ANKS1B: variants seen among roughly 807,000 people sequenced by gnomAD.
The protein encoded by ANKS1B is ankyrin repeat and sterile alpha motif domain containing 1B.
In ANKS1B, 36 loss-of-function variants were observed where a neutral mutation model predicts 148.3. That is an observed-to-expected ratio of 0.24 (90% confidence interval 0.19 to 0.32). ANKS1B has a LOEUF of 0.32. Among genes scored for constraint, ANKS1B ranks in the 10% least tolerant of loss-of-function variants. The probability of loss-of-function intolerance (pLI) is 1.00; values close to 1 mark genes in which losing one functional copy is unlikely to be tolerated. For missense variants in ANKS1B, 1,157 were observed against 1,542.6 expected (o/e 0.75, Z 4.19); for synonymous variants, 542 against 560.8 (o/e 0.97, Z 0.47).
intron 10 of ANKS1B, among the ~76,000 whole-genome samples, chr12:99,452,481 T>C (rs1595048121): frequency 1.3e-5 from 2 of 152,354 alleles, no homozygotes; most frequent in Middle Eastern, 6.8e-3. Flanking sequence ...CAGTCCTTTG[T>C]ACACAGCAAC....
At chr12:99,846,326 A>G (rs964909288) in intron 1 of ANKS1B, among the ~76,000 whole-genome samples, 6 of 150,940 alleles carry the variant, frequency 4.0e-5, no homozygotes, top group African/African-American at 1.2e-4. Flanking sequence ...TCATTTCTTT[A>G]TTCCTTTCTA....
At chr12:98,965,042 T>C (rs1359590481) in intron 17 of ANKS1B, among the ~76,000 whole-genome samples, 2 of 152,150 alleles carry the variant, frequency 1.3e-5, no homozygotes, top group African/African-American at 4.8e-5. Context: ...GCCTGTATCA[T>C]GCCTGTATCA....
chr12:98,812,403 G>A (rs530643744), intron 19 of ANKS1B, among the ~76,000 whole-genome samples: 1 of 152,296 alleles, frequency 6.6e-6, no homozygotes, highest in African/African-American at 2.4e-5. Context: ...ACCATCTCAC[G>A]TTGGGTAAAT....
chr12:99,789,643 G>C (rs1485385900), intron 4 of ANKS1B, among the ~76,000 whole-genome samples: 1 of 151,346 alleles, frequency 6.6e-6, no homozygotes, highest in African/African-American at 2.4e-5. Flanking sequence ...AAAAGTTCTA[G>C]AGTTGAAAAT....
At chr12:99,923,266 C>G (rs2094406711) in intron 1 of ANKS1B, among the ~76,000 whole-genome samples, 1 of 152,076 alleles carries the variant, frequency 6.6e-6, no homozygotes, top group Non-Finnish European at 1.5e-5. Flanking sequence ...GTTTCAGGTG[C>G]TAATGTATAA....
chr12:99,501,511 T>C (rs996994), intron 10 of ANKS1B, among the ~76,000 whole-genome samples: 80,167 of 151,890 alleles, frequency 0.53, 22,511 homozygotes, highest in African/African-American at 0.73. Flanking sequence ...GTAGTAATAA[T>C]TCTTCAGGAA....
chr12:99,455,880 G>GC (rs2095840224), intron 10 of ANKS1B, among the ~76,000 whole-genome samples: 2 of 152,036 alleles, frequency 1.3e-5, no homozygotes, highest in Non-Finnish European at 2.9e-5. Flanking sequence ...GAACTCTATG[G>GC]CCCCACCCAC....
chr12:99,400,489 T>A (rs1361069759), intron 11 of ANKS1B, among the ~76,000 whole-genome samples: 1 of 145,282 alleles, frequency 6.9e-6, no homozygotes, highest in East Asian at 1.9e-4. Flanking sequence ...GCAGATATAA[T>A]CTATACCCTT....
intron 4 of ANKS1B, among the ~76,000 whole-genome samples, chr12:99,795,788 T>C (rs998906333): frequency 2.6e-5 from 4 of 152,050 alleles, no homozygotes; most frequent in African/African-American, 9.7e-5. Flanking sequence ...AATTCATTTC[T>C]GTTCATGTCT....
chr12:98,893,285 T>C (rs1471680318), intron 17 of ANKS1B, among the ~76,000 whole-genome samples: 1 of 152,154 alleles, frequency 6.6e-6, no homozygotes, highest in Non-Finnish European at 1.5e-5. Flanking sequence ...ATGCCAGCAC[T>C]ACTCATTATA....
intron 8 of ANKS1B, among the ~76,000 whole-genome samples, chr12:99,666,025 T>C (rs568548873): frequency 4.5e-4 from 69 of 152,250 alleles, no homozygotes; most frequent in Middle Eastern, 6.8e-3. Flanking sequence ...AGAAACCTAT[T>C]TTTTTAATAT....
rs756333726 is a variant in ANKS1B, at chr12:98,967,343, T to C, written c.2778+85814A>G. On this transcript the variant is annotated intron_variant, in intron 17 of 26. Transcript: ENST00000683438. ...GAAGACTCTATATGGCTCTTATCAT[T>C]GAGCAGCTCTTTGCAATGAAGATGG... 5.3e-5 allele frequency among the ~76,000 whole-genome samples: 8 copies of C among 152,114 alleles called. No individual in the cohort carries two copies. In the South Asian group the frequency reaches 8.3e-4, roughly 16 times the overall value.
chr12:99,070,419 T>C (rs562783431), intron 16 of ANKS1B, among the ~76,000 whole-genome samples: 27 of 152,298 alleles, frequency 1.8e-4, no homozygotes, highest in African/African-American at 6.0e-4. Context: ...AAGCTCACTA[T>C]AGGTATTTGT....
chr12:99,028,889 A>G (rs2099950372), intron 17 of ANKS1B, among the ~76,000 whole-genome samples: 1 of 152,232 alleles, frequency 6.6e-6, no homozygotes, highest in Non-Finnish European at 1.5e-5. Flanking sequence ...AATAATTAGA[A>G]CAGGTACAGC....
chr12:99,364,849 G>A (rs1166031473), intron 12 of ANKS1B, among the ~76,000 whole-genome samples: 4 of 152,156 alleles, frequency 2.6e-5, no homozygotes, highest in African/African-American at 9.7e-5. Flanking sequence ...TCCACAAACT[G>A]CCACCAATGA....
Position 99,276,918 on chromosome 12 carries a change from C to T in ANKS1B, c.1757-30054G>A, listed in dbSNP as rs1255677324. Reference sequence around the variant, plus strand: ...TTTACTTCTCTGGATGTTACATGATCTCTGTATAGTTCCTTAATATTTTAT... The same window carrying T: ...TTTACTTCTCTGGATGTTACATGATTTCTGTATAGTTCCTTAATATTTTAT... On this transcript the variant is annotated intron_variant, in intron 12 of 26. Transcript: ENST00000683438. Among the ~76,000 whole-genome samples the T allele has an allele frequency of 2.6e-5, 4 of 152,266 alleles. No individual in the cohort carries two copies. In the East Asian group the frequency reaches 7.7e-4, roughly 29 times the overall value.
At chr12:99,260,020 T>C (rs11109784) in intron 12 of ANKS1B, among the ~76,000 whole-genome samples, 2,181 of 152,276 alleles carry the variant, frequency 0.014, 52 homozygotes, top group African/African-American at 0.05. Flanking sequence ...AATACCACAG[T>C]CACTGTAACC....
intron 1 of ANKS1B, among the ~76,000 whole-genome samples, chr12:99,837,807 T>C (rs576687864): frequency 2.0e-4 from 31 of 152,178 alleles, no homozygotes; most frequent in African/African-American, 6.7e-4. Flanking sequence ...ATATAAGGGG[T>C]CCAAGTGCAG....
chr12:99,774,858 G>A (rs2063511645), intron 7 of ANKS1B, among the ~76,000 whole-genome samples: 1 of 152,056 alleles, frequency 6.6e-6, no homozygotes, highest in Non-Finnish European at 1.5e-5. Context: ...TAACAACATG[G>A]ATGAACCTAG....
Sources: allele counts gnomAD v4.1 joint callset (sites outside exome capture counted in the v4.1 genomes callset), GRCh38; gene constraint gnomAD v4.1.1; transcripts MANE v1.5; gene names NCBI Gene and HGNC (gene_info 2026-07-23, HGNC 2026-07-21).